The following UNC5B variants were observed in gnomAD, a reference collection of about 807,000 sequenced individuals.
UNC5B encodes netrin receptor UNC5B.
UNC5B carries 56 observed loss-of-function variants against 103.7 expected under a neutral mutation model. That is an observed-to-expected ratio of 0.54 (90% CI 0.44 to 0.67). UNC5B has a LOEUF of 0.67. UNC5B is among the 30% of genes least tolerant of loss of function. The probability of loss-of-function intolerance (pLI) is 0.00; values close to 1 mark genes in which losing one functional copy is unlikely to be tolerated. For missense variants in UNC5B, 1,194 were observed against 1,284.5 expected (o/e 0.93, Z 1.08); for synonymous variants, 577 against 542.0 (o/e 1.06, Z -0.90).
At chr10:71,272,929 G>C (rs1205380380) in intron 1 of UNC5B, among the ~76,000 whole-genome samples, 1 of 152,128 alleles carries the variant, frequency 6.6e-6, no homozygotes, top group African/African-American at 2.4e-5. Flanking sequence ...TTGCTCCATT[G>C]CCCAGGCTGG....
intron 1 of UNC5B, among the ~76,000 whole-genome samples, chr10:71,270,800 C>G (rs1377128607): frequency 6.6e-6 from 1 of 152,196 alleles, no homozygotes; most frequent in Non-Finnish European, 1.5e-5. Flanking sequence ...AGCTCAAACT[C>G]ACCCCATGCC....
At chr10:71,240,715 C>T (rs1273803141) in intron 1 of UNC5B, among the ~76,000 whole-genome samples, 1 of 152,236 alleles carries the variant, frequency 6.6e-6, no homozygotes, top group African/African-American at 2.4e-5. Context: ...TCTAAAAGAC[C>T]TGAGGGGAGG....
At chr10:71,261,207 G>A (rs1010866255) in intron 1 of UNC5B, among the ~76,000 whole-genome samples, 1 of 152,312 alleles carries the variant, frequency 6.6e-6, no homozygotes, top group South Asian at 2.1e-4. Flanking sequence ...TTTTCCCTTG[G>A]GTTGAGTGAG....
At chr10:71,227,611 C>CATATATATCCACATACAT (rs1843591082) in intron 1 of UNC5B, among the ~76,000 whole-genome samples, 1 of 127,452 alleles carries the variant, frequency 7.8e-6, no homozygotes, top group African/African-American at 2.9e-5. Flanking sequence ...TACATATATA[C>CATATATATCCACATACAT]ATATATATAC....
At chr10:71,264,913 T>C (rs983652075) in intron 1 of UNC5B, among the ~76,000 whole-genome samples, 1 of 150,424 alleles carries the variant, frequency 6.6e-6, no homozygotes, top group Non-Finnish European at 1.5e-5. Flanking sequence ...ATAGGAGGAT[T>C]GCTGGAGCCC....
rs898908496 is a variant in UNC5B at position 71,213,802 on chromosome 10, C to G, written c.79+738C>G. On this transcript the variant is annotated intron_variant, in intron 1 of 16. Transcript: ENST00000335350. This position sits in a 1 kb window ranked among gnomAD's most constrained non-coding sequence, Gnocchi z 4.1. ...GGTTCTTAGCGATCCTGCGGAGTTT[C>G]CTTTTAAATTGGTCACTGACATTCT... Among the ~76,000 whole-genome samples the G allele has an allele frequency of 2.0e-5, 3 of 147,896 alleles. No homozygotes were observed. The highest frequency in any genetic ancestry group is 7.6e-5 in the African/African-American group (3 of 39,652).
intron 1 of UNC5B, among the ~76,000 whole-genome samples, chr10:71,260,181 G>T (rs565196010): frequency 9.4e-4 from 143 of 152,352 alleles, no homozygotes; most frequent in African/African-American, 3.4e-3. Context: ...GCTTTTGCCA[G>T]CTGTCTCCAG....
intron 1 of UNC5B, among the ~76,000 whole-genome samples, chr10:71,244,625 A>G (rs1054715393): frequency 2.6e-5 from 4 of 152,228 alleles, no homozygotes; most frequent in Non-Finnish European, 4.4e-5. Context: ...CTCAGCTTGC[A>G]TACGTAGAGA....
At chr10:71,293,117 G>A (rs548913851) in intron 11 of UNC5B, among the ~76,000 whole-genome samples, 72 of 152,292 alleles carry the variant, frequency 4.7e-4, no homozygotes, top group African/African-American at 1.5e-3. Flanking sequence ...GCACTTTAGC[G>A]TGACCTATTG....
intron 1 of UNC5B, among the ~76,000 whole-genome samples, chr10:71,234,828 G>A (rs1031147708): frequency 6.6e-6 from 1 of 152,158 alleles, no homozygotes; most frequent in Non-Finnish European, 1.5e-5. Flanking sequence ...TTGGAAACCT[G>A]GGCCTCTCTT....
At chr10:71,224,254 G>GAC (rs140760302) in intron 1 of UNC5B, among the ~76,000 whole-genome samples, 20 of 108,596 alleles carry the variant, frequency 1.8e-4, no homozygotes, top group African/African-American at 3.3e-4. Flanking sequence ...CACACACACA[G>GAC]ACACACACAC....
chr10:71,266,355 C>T (rs769199902), intron 1 of UNC5B, among the ~76,000 whole-genome samples: 2 of 152,124 alleles, frequency 1.3e-5, no homozygotes, highest in East Asian at 3.9e-4. Context: ...TGGTGCCCCT[C>T]CTGGAGGAGC....
At chr10:71,277,116 T>G (rs182408612) in intron 1 of UNC5B, among the ~76,000 whole-genome samples, 17 of 152,232 alleles carry the variant, frequency 1.1e-4, no homozygotes, top group Admixed American at 1.0e-3. Context: ...CTGCACCCAC[T>G]TAATAAATGG....
At chr10:71,281,350 T>G (rs1480087615) in intron 2 of UNC5B, among the ~76,000 whole-genome samples, 1 of 152,084 alleles carries the variant, frequency 6.6e-6, no homozygotes, top group Non-Finnish European at 1.5e-5. Context: ...GAATTTTTTT[T>G]TTTTTTTGGA....
rs1203864935 is a variant in UNC5B, at chr10:71,301,378, T to C, written c.*2101T>C. ...CCTGGAGATTTGAGAGAAGATTCCTTCTACCAGGGCTGCTGAGGGGCCAGG... is the reference window on the plus strand; with the variant it reads ...CCTGGAGATTTGAGAGAAGATTCCTCCTACCAGGGCTGCTGAGGGGCCAGG... On this transcript the variant is annotated 3_prime_UTR_variant, in exon 17 of 17. Coordinates refer to ENST00000335350, the MANE Select transcript of UNC5B (RefSeq NM_170744.5). The C allele has an allele frequency of 3.3e-5, 5 of 152,224 alleles. No individual in the cohort carries two copies. Among genetic ancestry groups the C allele is most frequent in the African/African-American group, 1.2e-4 (5 of 41,434 alleles). The allele number at this position is 152,224 out of a possible 1,614,324, so 9.4% of individuals were successfully genotyped here. A position where few individuals can be genotyped will look rare whatever the true frequency, so the allele number is the denominator to read the frequency against.
intron 1 of UNC5B, chr10:71,217,948 C>A (rs1843368748): frequency 6.6e-6 from 1 of 152,356 alleles, no homozygotes; most frequent in Non-Finnish European, 1.5e-5. Context: ...GAGCCGCCCT[C>A]CTTCTCACCT....
rs1053854294 is a variant in UNC5B, at chr10:71,302,585, G to A, written c.*3308G>A. 3.9e-5 allele frequency: 6 copies of A among 152,040 alleles called. No homozygotes were observed. Among genetic ancestry groups the A allele is most frequent in the Admixed American group, 2.0e-4 (3 of 15,272 alleles). 9.4% of individuals were successfully genotyped at this position (152,040 alleles called of 1,614,324 possible). On this transcript the variant is annotated 3_prime_UTR_variant, in exon 17 of 17. Coordinates refer to ENST00000335350, the MANE Select transcript of UNC5B (RefSeq NM_170744.5). ...CTCCTGGACCCTCCAGGGCACTCTG[G>A]TCCCTATTCCCCAGCTCCTAGGCAG...
At position 71,293,590 on chromosome 10, in the gene UNC5B, A is replaced by T; in HGVS notation, c.1941+17A>T. Reference sequence around the variant, plus strand: ...CACTGGGAGGTGAGGAGCCACGGTGAAGGCTGGCCCAGCTCTCCCAACCTG... The same window carrying T: ...CACTGGGAGGTGAGGAGCCACGGTGTAGGCTGGCCCAGCTCTCCCAACCTG... On this transcript the variant is annotated intron_variant, in intron 12 of 16. Transcript: ENST00000335350. The T allele has an allele frequency of 6.2e-7, 1 of 1,613,488 alleles. No homozygotes were observed. Among genetic ancestry groups the T allele is most frequent in the Non-Finnish European group, 8.5e-7 (1 of 1,179,772 alleles).
chr10:71,244,629 G>A (rs1181412326), intron 1 of UNC5B, among the ~76,000 whole-genome samples: 1 of 152,218 alleles, frequency 6.6e-6, no homozygotes, highest in African/African-American at 2.4e-5. Context: ...GCTTGCATAC[G>A]TAGAGAGGCA....
Sources: allele counts gnomAD v4.1 joint callset (sites outside exome capture counted in the v4.1 genomes callset), GRCh38; gene constraint gnomAD v4.1.1; non-coding constraint Gnocchi (gnomAD v3.1); transcripts MANE v1.5; gene names NCBI Gene and HGNC (gene_info 2026-07-23, HGNC 2026-07-21).